ME1: variants seen among roughly 807,000 people sequenced by gnomAD.
ME1 encodes NADP-dependent malic enzyme.
Under a neutral mutation model 66.4 loss-of-function variants are expected in ME1, and 74 were observed. The ratio of observed to expected loss-of-function variants is 1.11; its 90% CI spans 0.92 to 1.35. The LOEUF is 1.35. Ranked by LOEUF, ME1 falls within the 40% of genes most tolerant of loss-of-function variation. ME1 has a pLI of 0.00. For synonymous variants in ME1, 251 were observed against 235.6 expected (o/e 1.07, Z -0.60); for missense variants, 750 against 694.1 (o/e 1.08, Z -0.90).
At chr6:83,233,821 G>A (rs1270023350) in intron 9 of ME1, among the ~76,000 whole-genome samples, 3 of 151,790 alleles carry the variant, frequency 2.0e-5, no homozygotes. Flanking sequence ...TTGAAAATGG[G>A]ATTACACTAA....
At chr6:83,399,423 A>G (rs1284968255) in intron 2 of ME1, among the ~76,000 whole-genome samples, 5 of 152,362 alleles carry the variant, frequency 3.3e-5, no homozygotes, top group Admixed American at 2.0e-4. Context: ...TCCCTATTTT[A>G]AAAGAGATGA....
chr6:83,225,759 CATAT>C (rs888628520), intron 11 of ME1, among the ~76,000 whole-genome samples: 1 of 149,272 alleles, frequency 6.7e-6, no homozygotes, highest in African/African-American at 2.4e-5. Flanking sequence ...ATTATTACTT[CATAT>C]ATAAAGGTTT....
intron 6 of ME1, among the ~76,000 whole-genome samples, chr6:83,277,763 G>A (rs1400303461): frequency 3.3e-5 from 5 of 151,966 alleles, no homozygotes; most frequent in Non-Finnish European, 4.4e-5. Flanking sequence ...TTATCCTAGC[G>A]TGGTGGCACA....
At chr6:83,346,609 A>G (rs12190282) in intron 4 of ME1, among the ~76,000 whole-genome samples, 48,844 of 152,108 alleles carry the variant, frequency 0.32, 8,217 homozygotes, top group Middle Eastern at 0.5. Flanking sequence ...TCAATCAAGA[A>G]GAGCAAGTGG....
chr6:83,361,533 A>G (rs1177407989), intron 3 of ME1, among the ~76,000 whole-genome samples: 1 of 152,210 alleles, frequency 6.6e-6, no homozygotes, highest in East Asian at 1.9e-4. Flanking sequence ...AGCAGACCCA[A>G]TGGTGCTTGA....
At chr6:83,264,045 A>G (rs1766945809) in intron 6 of ME1, among the ~76,000 whole-genome samples, 1 of 152,182 alleles carries the variant, frequency 6.6e-6, no homozygotes, top group South Asian at 2.1e-4. Context: ...AGCTTCAAAG[A>G]ATAGGCTGAC....
intron 6 of ME1, among the ~76,000 whole-genome samples, chr6:83,273,107 A>G (rs1295256494): frequency 7.0e-6 from 1 of 143,878 alleles, no homozygotes; most frequent in Admixed American, 7.1e-5. Flanking sequence ...AACCCAGGAG[A>G]TGGAGGCTGC....
chr6:83,400,234 C>T (rs1018327077), intron 2 of ME1, among the ~76,000 whole-genome samples: 11 of 152,118 alleles, frequency 7.2e-5, no homozygotes, highest in Admixed American at 2.6e-4. Flanking sequence ...GTGGATCCCT[C>T]ATGAATGGCT....
chr6:83,227,500 G>A, intron 10 of ME1, 23 bp from the exon 11 acceptor site: 1 of 1,560,636 alleles, frequency 6.4e-7, no homozygotes, highest in Non-Finnish European at 8.7e-7. Context: ...TATGAAGCTG[G>A]TAATTAACAC....
chr6:83,274,562 A>T (rs148960860), intron 6 of ME1, among the ~76,000 whole-genome samples: 16 of 152,236 alleles, frequency 1.1e-4, no homozygotes, highest in Non-Finnish European at 1.9e-4. Context: ...TTTTTGTTGA[A>T]TATAAGTGAG....
intron 3 of ME1, among the ~76,000 whole-genome samples, chr6:83,390,476 C>T (rs1299639786): frequency 1.3e-5 from 2 of 152,084 alleles, no homozygotes; most frequent in Non-Finnish European, 2.9e-5. Flanking sequence ...TTCACGCATC[C>T]ACAATTCCCT....
At position 83,210,799 on chromosome 6, in the gene ME1, G is replaced by A. The variant is rs1789857903; in HGVS notation, c.*1125C>T. The A allele has an allele frequency of 6.6e-6, 1 of 152,020 alleles. No individual in the cohort carries two copies. Among genetic ancestry groups the A allele is most frequent in the African/African-American group, 2.4e-5 (1 of 41,390 alleles). 9.4% of individuals were successfully genotyped at this position (152,020 alleles called of 1,614,324 possible). ...ATTTTTTCCATTACTTCAAACATTA[G>A]TTTCTAAAGTAAATTAATACAGTCT... On this transcript the variant is annotated 3_prime_UTR_variant, in exon 14 of 14. Coordinates refer to ENST00000369705, the MANE Select transcript of ME1 (RefSeq NM_002395.6).
At chr6:83,346,049 G>T in intron 5 of ME1, 124 bp downstream of exon 5, 2 of 729,536 alleles carry the variant, frequency 2.7e-6, no homozygotes, top group African/African-American at 1.8e-5. Flanking sequence ...GGGCAGATTT[G>T]GAGAGAGAAA....
intron 7 of ME1, 26 bp downstream of exon 7, chr6:83,253,603 T>G (rs1460835842): frequency 9.1e-7 from 1 of 1,095,684 alleles, no homozygotes; most frequent in Non-Finnish European, 1.4e-6. Context: ...ATGTTATTGA[T>G]CCATATGCAG....
intron 6 of ME1, among the ~76,000 whole-genome samples, chr6:83,296,438 G>T (rs1767599552): frequency 6.6e-6 from 1 of 152,154 alleles, no homozygotes; most frequent in Admixed American, 6.5e-5. Context: ...CTCAATAGAT[G>T]CAGAAAAGGC....
At chr6:83,329,508 C>A (rs987649223) in intron 5 of ME1, among the ~76,000 whole-genome samples, 2 of 152,084 alleles carry the variant, frequency 1.3e-5, no homozygotes, top group Non-Finnish European at 2.9e-5. Flanking sequence ...GTTGCAGTCT[C>A]AAATAAGGTA....
intron 3 of ME1, among the ~76,000 whole-genome samples, chr6:83,364,642 G>T (rs1769065569): frequency 1.3e-5 from 2 of 152,020 alleles, no homozygotes; most frequent in Admixed American, 1.3e-4. Flanking sequence ...CAACCCAATG[G>T]ACAGAGCTAG....
intron 2 of ME1, among the ~76,000 whole-genome samples, chr6:83,401,375 A>G (rs1229505106): frequency 6.6e-6 from 1 of 152,128 alleles, no homozygotes; most frequent in Non-Finnish European, 1.5e-5. Flanking sequence ...AAATTTCATG[A>G]GGTCAGAGAT....
chr6:83,271,793 C>T (rs1144191), intron 6 of ME1, among the ~76,000 whole-genome samples: 43,807 of 151,654 alleles, frequency 0.29, 7,232 homozygotes, highest in Middle Eastern at 0.47. Flanking sequence ...GTTATAACTT[C>T]AAGTAAAAAT....
Sources: allele counts gnomAD v4.1 joint callset (sites outside exome capture counted in the v4.1 genomes callset), GRCh38; gene constraint gnomAD v4.1.1; transcripts MANE v1.5; gene names NCBI Gene and HGNC (gene_info 2026-07-23, HGNC 2026-07-21).